ZNF568: variants seen among roughly 807,000 people sequenced by gnomAD.
ZNF568 encodes the protein zinc finger protein 568.
ZNF568 carries 11 observed loss-of-function variants against 18.1 expected under a neutral mutation model. That is an observed-to-expected ratio of 0.61 (90% confidence interval 0.38 to 1.00). The LOEUF (loss-of-function observed/expected upper bound fraction) is 1.00, where lower values mean the gene tolerates loss of function less well. ZNF568 is among the 50% of genes least tolerant of loss of function. ZNF568 has a pLI of 0.01. For synonymous variants in ZNF568, 213 were observed against 246.6 expected (o/e 0.86, Z 1.28); for missense variants, 639 against 768.2 (o/e 0.83, Z 1.99).
intron 3 of ZNF568, among the ~76,000 whole-genome samples, chr19:36,923,408 A>AT (rs2073491190): frequency 6.6e-6 from 1 of 151,852 alleles, no homozygotes; most frequent in Non-Finnish European, 1.5e-5. Context: ...ATCTGTAAGC[A>AT]TTTTCTTTTG....
At chr19:36,991,957 G>C (rs1166916270) in intron 4 of ZNF568, 23 of 770,528 alleles carry the variant, frequency 3.0e-5, no homozygotes, top group Non-Finnish European at 4.4e-5. Flanking sequence ...AAAAAGGCTT[G>C]AGATCTGGGG....
Position 36,950,832 on chromosome 19 carries a change from G to A in ZNF568, c.1679G>A (p.Cys560Tyr), listed in dbSNP as rs2074048088. The A allele has an allele frequency of 6.2e-7, 1 of 1,613,800 alleles. No individual in the cohort carries two copies. Among genetic ancestry groups the A allele is most frequent in the Non-Finnish European group, 8.5e-7 (1 of 1,179,950 alleles). ...KIHTGEKPFKCNECGKAFSRI... is the reference protein window; with the variant it reads ...KIHTGEKPFKYNECGKAFSRI... ...CATACTGGAGAGAAACCATTCAAATGTAATGAATGTGGTAAAGCCTTCTCT... is the reference window on the plus strand; with the variant it reads ...CATACTGGAGAGAAACCATTCAAATATAATGAATGTGGTAAAGCCTTCTCT... The change falls in exon 7 of 7, where the codon TGT becomes TAT. Residue 560 changes from cysteine to tyrosine, a missense_variant. Transcript: ENST00000333987.
At chr19:36,937,503 G>C (rs1016291688) in intron 6 of ZNF568, among the ~76,000 whole-genome samples, 1 of 152,146 alleles carries the variant, frequency 6.6e-6, no homozygotes, top group African/African-American at 2.4e-5. Flanking sequence ...TTCATTCACA[G>C]CTTCACTTTC....
At chr19:36,970,677 T>C (rs773917231) in intron 6 of ZNF568, among the ~76,000 whole-genome samples, 1 of 152,072 alleles carries the variant, frequency 6.6e-6, no homozygotes, top group Admixed American at 6.6e-5. Flanking sequence ...CAAAAATTCA[T>C]TGGAGAGCAT....
chr19:36,944,402 A>C (rs2073930431), intron 6 of ZNF568, among the ~76,000 whole-genome samples: 2 of 152,124 alleles, frequency 1.3e-5, no homozygotes, highest in South Asian at 4.1e-4. Flanking sequence ...CCATCTCAAA[A>C]AAAAAACAAA....
At chr19:36,978,221 A>G (rs768706807) in intron 7 of ZNF568, among the ~76,000 whole-genome samples, 1 of 152,252 alleles carries the variant, frequency 6.6e-6, no homozygotes, top group East Asian at 1.9e-4. Flanking sequence ...ACTAAAAAGC[A>G]TATTCTGTAT....
At chr19:36,955,930 T>C (rs908197729), downstream of ZNF568, among the ~76,000 whole-genome samples, 4 of 151,914 alleles carry the variant, frequency 2.6e-5, no homozygotes, top group African/African-American at 9.7e-5. Context: ...TATTTTAGAG[T>C]AAAGGTTGGG....
rs2074038939 is a variant in ZNF568 at position 36,950,382 on chromosome 19, G to A, written c.1229G>A (p.Arg410Lys). The A allele has an allele frequency of 3.1e-6, 5 of 1,613,836 alleles. No homozygotes were observed. The highest frequency in any genetic ancestry group is 4.2e-6 in the Non-Finnish European group (5 of 1,179,904). The change falls in exon 7 of 7, where the codon AGA becomes AAA. Residue 410 changes from arginine to lysine, a missense_variant. Arg to Lys is a conservative substitution (Grantham distance 26, BLOSUM62 2). Coordinates refer to ENST00000333987, the MANE Select transcript of ZNF568 (RefSeq NM_198539.4). Reference sequence around the variant, plus strand: ...TGCTCAGTATTTATTATACATATGAGAAGTCACACTGGTGAGAAACCCTAT... The same window carrying A: ...TGCTCAGTATTTATTATACATATGAAAAGTCACACTGGTGAGAAACCCTAT... ...SQCSVFIIHM[R>K]SHTGEKPYVC...
Position 36,950,392 on chromosome 19 carries a change from T to C in ZNF568, c.1239T>C (p.Thr413=). 1 of 1,614,044 alleles carries C rather than the reference T, an allele frequency of 6.2e-7. No individual in the cohort carries two copies. Among genetic ancestry groups the C allele is most frequent in the Non-Finnish European group, 8.5e-7 (1 of 1,179,988 alleles). ...TTATTATACATATGAGAAGTCACAC[T>C]GGTGAGAAACCCTATGTATGTAGTG... is the stretch of plus-strand genomic sequence containing the variant. ...SVFIIHMRSH[T]GEKPYVCSEC... is the part of the protein sequence containing the mutation. The change falls in exon 7 of 7, where the codon ACT becomes ACC. Residue 413 remains threonine (T), a synonymous_variant. Coordinates refer to ENST00000333987, the MANE Select transcript of ZNF568 (RefSeq NM_198539.4).
Position 36,950,363 on chromosome 19 carries a change from G to C in ZNF568, c.1210G>C (p.Val404Leu). Reference sequence around the variant, plus strand: ...TGGAAAAGCTTTCTCTCAATGCTCAGTATTTATTATACATATGAGAAGTCA... The same window carrying C: ...TGGAAAAGCTTTCTCTCAATGCTCACTATTTATTATACATATGAGAAGTCA... ...KCGKAFSQCS[V>L]FIIHMRSHTG... is the part of the protein sequence containing the mutation. The change falls in exon 7 of 7, where the codon GTA becomes CTA. Residue 404 changes from valine to leucine, a missense_variant. By Grantham distance (32) the Val-to-Leu change is conservative. Transcript: ENST00000333987. The C allele has an allele frequency of 6.2e-7, 1 of 1,613,310 alleles. No individual in the cohort carries two copies. Among genetic ancestry groups the C allele is most frequent in the Non-Finnish European group, 8.5e-7 (1 of 1,179,654 alleles).
chr19:36,989,564 G>C (rs1014010915), intron 2 of ZNF568, among the ~76,000 whole-genome samples: 1 of 152,112 alleles, frequency 6.6e-6, no homozygotes, highest in African/African-American at 2.4e-5. Context: ...GCATTTATAA[G>C]TTTCTTTGAG....
At chr19:36,997,717 T>A (rs1232217082), downstream of ZNF568, 4 of 796,810 alleles carry the variant, frequency 5.0e-6, no homozygotes, top group East Asian at 8.0e-5. Context: ...GAGGAGTGAA[T>A]GAAGAAATGA....
intron 4 of ZNF568, among the ~76,000 whole-genome samples, chr19:36,933,487 A>G (rs1160501061): frequency 6.6e-6 from 1 of 152,026 alleles, no homozygotes; most frequent in African/African-American, 2.4e-5. Context: ...GCATTTACGG[A>G]GATGATCTTA....
rs1329074696 is a variant in ZNF568 at position 36,950,720 on chromosome 19, A to T, written c.1567A>T (p.Ile523Phe). Residue 523 changes from isoleucine (I) to phenylalanine (F), a missense_variant, in exon 7 of 7, where the codon ATT becomes TTT. By Grantham distance (21) the Ile-to-Phe change is conservative (BLOSUM62 0). Transcript: ENST00000333987. ...ATCAAACCTCACTGAACATGAGAAAATTCATACTGGAGAGAAACCTTATCA... is the reference window on the plus strand; with the variant it reads ...ATCAAACCTCACTGAACATGAGAAATTTCATACTGGAGAGAAACCTTATCA... ...QKSNLTEHEK[I>F]HTGEKPYHCN... The T allele has an allele frequency of 1.9e-6, 3 of 1,613,676 alleles. No individual in the cohort carries two copies. The African/African-American group carries it at 4.0e-5, about 22-fold the overall frequency.
At chr19:36,919,671 A>G (rs2073417763) in intron 2 of ZNF568, among the ~76,000 whole-genome samples, 1 of 152,160 alleles carries the variant, frequency 6.6e-6, no homozygotes, top group African/African-American at 2.4e-5. Context: ...GTTCCTAACC[A>G]GGAACCAGTA....
At position 36,951,058 on chromosome 19, in the gene ZNF568, T is replaced by G. The variant is rs773751770; in HGVS notation, c.1905T>G (p.Gly635=). ...QRASLSIHKR[G]HTGERHQVY is the part of the protein sequence containing the mutation. ...CATCCCTTTCTATACATAAGAGAGG[T>G]CATACAGGTGAGAGACACCAAGTAT... Residue 635 remains glycine (G), a synonymous_variant, in exon 7 of 7, where the codon GGT becomes GGG. Coordinates refer to ENST00000333987, the MANE Select transcript of ZNF568 (RefSeq NM_198539.4). 6.3e-7 allele frequency: 1 copy of G among 1,576,458 alleles called. No individual in the cohort carries two copies. Among genetic ancestry groups the G allele is most frequent in the Non-Finnish European group, 8.6e-7 (1 of 1,165,264 alleles).
At chr19:36,956,387 A>G (rs1312415589), downstream of ZNF568, among the ~76,000 whole-genome samples, 3 of 152,174 alleles carry the variant, frequency 2.0e-5, no homozygotes, top group Admixed American at 1.3e-4. Flanking sequence ...TCCCAGCTCT[A>G]GAGCTCCCCA....
At chr19:36,924,556 C>T (rs1334592542) in intron 3 of ZNF568, among the ~76,000 whole-genome samples, 19 of 520 alleles carry the variant, frequency 0.037, no homozygotes, top group East Asian at 0.19. Flanking sequence ...TTAGGCCAGG[C>T]GCGGCGTCAC....
rs762638555 is a variant in ZNF568, at chr19:36,950,363, GTATT to G, written c.1215_1218del (p.Phe405LeufsTer4). 1.4e-5 allele frequency: 23 copies of G among 1,613,202 alleles called. No individual in the cohort carries two copies. The East Asian group carries it at 4.7e-4, about 33-fold the overall frequency. On this transcript the variant is annotated frameshift_variant, in exon 7 of 7. Transcript: ENST00000333987. LOFTEE classifies it low-confidence loss of function (END_TRUNC). Reference sequence around the variant, plus strand: ...TGGAAAAGCTTTCTCTCAATGCTCAGTATTTATTATACATATGAGAAGTCACACT... The same window carrying G: ...TGGAAAAGCTTTCTCTCAATGCTCAGTATTATACATATGAGAAGTCACACT...
Sources: allele counts gnomAD v4.1 joint callset (sites outside exome capture counted in the v4.1 genomes callset), GRCh38; gene constraint gnomAD v4.1.1; transcripts MANE v1.5; gene names NCBI Gene and HGNC (gene_info 2026-07-23, HGNC 2026-07-21).